Variants in SSB observed in about 807,000 individuals in gnomAD.
The protein encoded by SSB is lupus La protein.
SSB carries 17 observed loss-of-function variants against 52.9 expected under a neutral mutation model. The ratio of observed to expected loss-of-function variants is 0.32; its 90% CI spans 0.22 to 0.48. The LOEUF (loss-of-function observed/expected upper bound fraction) is 0.48, where lower values mean the gene tolerates loss of function less well. Ranked by LOEUF, SSB falls within the 20% of genes least tolerant of loss-of-function variation. The pLI, the probability that SSB is intolerant of heterozygous loss-of-function variation, is 0.99. For missense variants in SSB, 314 were observed against 463.6 expected, an observed-to-expected ratio of 0.68 and a Z score of 2.96; for synonymous variants, 111 against 152.1, an observed-to-expected ratio of 0.73 and a Z score of 1.99.
intron 4 of SSB, chr2:169,806,434 T>G (rs1319409142): frequency 1.2e-5 from 2 of 173,246 alleles, no homozygotes; most frequent in Non-Finnish European, 2.4e-5. Context: ...TGCAGTTTTC[T>G]TTAGTGTATT....
At chr2:169,808,591 C>T in intron 7 of SSB, 38 bp downstream of exon 7, 1 of 1,548,228 alleles carries the variant, frequency 6.5e-7, no homozygotes, top group Non-Finnish European at 8.9e-7. Flanking sequence ...AATTTGAATT[C>T]CTTAAAGCTC....
At chr2:169,810,465 AT>A (rs1417470411) in intron 9 of SSB, 42 bp downstream of exon 9, 6 of 1,550,040 alleles carry the variant, frequency 3.9e-6, no homozygotes, top group Non-Finnish European at 5.2e-6. Flanking sequence ...CAGTTTGAAA[AT>A]CTGTAGAAAC....
chr2:169,805,995 C>T (rs1354187286), intron 4 of SSB, 156 bp downstream of exon 4: 15 of 825,044 alleles, frequency 1.8e-5, no homozygotes, highest in African/African-American at 5.1e-5. Context: ...TGTTTTGAGA[C>T]AGTCTCATCC....
At chr2:169,804,010 A>G (rs1689767403) in intron 2 of SSB, among the ~76,000 whole-genome samples, 1 of 152,190 alleles carries the variant, frequency 6.6e-6, no homozygotes, top group African/African-American at 2.4e-5. Flanking sequence ...AAGTGCTGGG[A>G]TTATGGGCTT....
chr2:169,808,449 G>A (rs560144286), intron 6 of SSB, 33 bp from the exon 7 acceptor site: 10 of 1,568,018 alleles, frequency 6.4e-6, no homozygotes, highest in South Asian at 5.6e-5. Flanking sequence ...CTTTGTTCTC[G>A]TGAACTTAGC....
rs1022209471 is a variant in SSB, at chr2:169,808,385, A to G, written c.555-97A>G. ...GATTATGTTGATAGTAAGCGTGTGC[A>G]ACATTCATTGCTGTGCCATGTCTTA... On this transcript the variant is annotated intron_variant, in intron 6 of 11. Coordinates refer to ENST00000260956, the MANE Select transcript of SSB (RefSeq NM_003142.5). 4 of 898,868 alleles carry G rather than the reference A, an allele frequency of 4.5e-6. No individual in the cohort carries two copies. The Middle Eastern group carries it at 6.7e-4, about 150-fold the overall frequency. The allele number at this position is 898,868 out of a possible 1,614,324, so 55.7% of individuals were successfully genotyped here.
Position 169,804,914 on chromosome 2 carries a change from G to C in SSB, c.67-560G>C, listed in dbSNP as rs138130669. Among the ~76,000 whole-genome samples the C allele has an allele frequency of 0.012, 1,781 of 152,200 alleles. 67 individuals carry two copies. The East Asian group carries it at 0.12, about 11-fold the overall frequency. Reference sequence around the variant, plus strand: ...GCACTTTGGGAGGCCGAGGTGGGCAGATCGCTTGAGATCAGGAGTTCAAGG... The same window carrying C: ...GCACTTTGGGAGGCCGAGGTGGGCACATCGCTTGAGATCAGGAGTTCAAGG... On this transcript the variant is annotated intron_variant, in intron 2 of 11. Transcript: ENST00000260956.
In SSB at chr2:169,811,963, A is replaced by G. The variant is rs929945883; in HGVS notation, c.*207A>G. On this transcript the variant is annotated 3_prime_UTR_variant, in exon 12 of 12. Transcript: ENST00000260956. ...TGTTTGTGTTATTTCAGATGATTCA[A>G]ATATCAAAAGGAAGATTCTTCCATT... 4.6e-6 allele frequency: 6 copies of G among 1,298,362 alleles called. No homozygotes were observed. The highest frequency in any genetic ancestry group is 2.4e-5 in the East Asian group (1 of 41,982). 80.4% of individuals were successfully genotyped at this position (1,298,362 alleles called of 1,614,324 possible).
intron 2 of SSB, among the ~76,000 whole-genome samples, chr2:169,802,544 A>C (rs1368206805): frequency 6.6e-6 from 1 of 152,162 alleles, no homozygotes; most frequent in Non-Finnish European, 1.5e-5. Context: ...AATACTTAGA[A>C]CAATACTAAG....
At chr2:169,799,147 G>A (rs1450386949) in intron 1 of SSB, 171 bp downstream of exon 1, 1 of 152,130 alleles carries the variant, frequency 6.6e-6, no homozygotes, top group African/African-American at 2.4e-5. Context: ...GGAGCCGAGG[G>A]GGCGCGGGCG....
intron 6 of SSB, among the ~76,000 whole-genome samples, chr2:169,807,760 T>TTTTTTA (rs1553482596): frequency 1.3e-4 from 17 of 132,468 alleles, no homozygotes; most frequent in South Asian, 4.8e-4. Flanking sequence ...TTTTTTTTTT[T>TTTTTTA]ACAGTACAAA....
chr2:169,811,960 TC>T lies in SSB; in HGVS notation c.*205del. ...TTCTGTTTGTGTTATTTCAGATGAT[TC>T]AAATATCAAAAGGAAGATTCTTCCA... is the stretch of plus-strand genomic sequence containing the variant. On this transcript the variant is annotated 3_prime_UTR_variant, in exon 12 of 12. Coordinates refer to ENST00000260956, the MANE Select transcript of SSB (RefSeq NM_003142.5). 1.5e-6 allele frequency: 2 copies of T among 1,306,296 alleles called. No homozygotes were observed. The highest frequency in any genetic ancestry group is 2.1e-6 in the Non-Finnish European group (2 of 935,436). The allele number at this position is 1,306,296 out of a possible 1,614,324, so 80.9% of individuals were successfully genotyped here. A position where few individuals can be genotyped will look rare whatever the true frequency, so the allele number is the denominator to read the frequency against.
chr2:169,808,751 TC>T, intron 7 of SSB, 108 bp from the exon 8 acceptor site: 1 of 1,098,768 alleles, frequency 9.1e-7, no homozygotes, highest in Non-Finnish European at 1.3e-6. Flanking sequence ...CCTAAGGACT[TC>T]TGGCTTTGGT....
chr2:169,810,665 C>T (rs1328300312), intron 9 of SSB, 193 bp from the exon 10 acceptor site: 4 of 663,148 alleles, frequency 6.0e-6, no homozygotes, highest in Non-Finnish European at 1.0e-5. Flanking sequence ...CTGAATTATA[C>T]TATGAATAAC....
At chr2:169,801,891 G>GT (rs1293014461) in intron 2 of SSB, among the ~76,000 whole-genome samples, 1 of 151,764 alleles carries the variant, frequency 6.6e-6, no homozygotes. Context: ...TCAAATTTAG[G>GT]TATTATGTTT....
rs59743225 is a variant in SSB, at chr2:169,800,534, C to CAAAAAA, written c.-9-404_-9-399dup. ...GGGCAACAAAAGCGAGACTCCGTCT[C>CAAAAAA]AAAAAAAAAAAAAAAAAAAGAGGTG... On this transcript the variant is annotated intron_variant, in intron 1 of 11. Transcript: ENST00000260956. Among the ~76,000 whole-genome samples, 729 of 77,550 alleles carry CAAAAAA rather than the reference C, an allele frequency of 9.4e-3. 43 individuals carry two copies. Among genetic ancestry groups the CAAAAAA allele is most frequent in the Admixed American group, 0.035 (191 of 5,422 alleles). 50.9% of individuals were successfully genotyped at this position (77,550 alleles called of 152,430 possible).
chr2:169,807,108 C>CTTATATG, intron 6 of SSB, 37 bp downstream of exon 6: 5 of 1,539,952 alleles, frequency 3.2e-6, no homozygotes, highest in Non-Finnish European at 4.5e-6. Context: ...TGGCCTTTTA[C>CTTATATG]TTATATGGAC....
chr2:169,804,093 CTTTG>C (rs1198250193), intron 2 of SSB, among the ~76,000 whole-genome samples: 2 of 152,140 alleles, frequency 1.3e-5, no homozygotes, highest in East Asian at 1.9e-4. Context: ...TACCCTTCTT[CTTTG>C]TTTGTAAGAA....
Position 169,811,222 on chromosome 2 carries a change from C to T in SSB, c.1037C>T (p.Ala346Val), listed in dbSNP as rs1558973597. ...GGAAAAGGAAAGGGTAATAAAGCTG[C>T]CCAGCCTGGGTCTGGTAAAGGAAAA... ...FKGKGKGNKA[A>V]QPGSGKGKVQ... The change falls in exon 11 of 12, where the codon GCC becomes GTC. Residue 346 changes from alanine (A) to valine (V), a missense_variant. Ala to Val is a moderately conservative substitution (Grantham distance 64). Transcript: ENST00000260956. 8 of 1,612,088 alleles carry T rather than the reference C, an allele frequency of 5.0e-6. No individual in the cohort carries two copies. The highest frequency in any genetic ancestry group is 2.2e-5 in the East Asian group (1 of 44,850).
Sources: allele counts gnomAD v4.1 joint callset (sites outside exome capture counted in the v4.1 genomes callset), GRCh38; gene constraint gnomAD v4.1.1; transcripts MANE v1.5; gene names NCBI Gene and HGNC (gene_info 2026-07-23, HGNC 2026-07-21).